SVOPL: variants seen among roughly 807,000 people sequenced by gnomAD.
The protein encoded by SVOPL is putative transporter SVOPL.
Under a neutral mutation model 61.0 loss-of-function variants are expected in SVOPL, and 60 were observed. That is an observed-to-expected ratio of 0.98 (90% CI 0.80 to 1.22). The LOEUF is 1.22. SVOPL is among the 50% of genes most tolerant of loss of function. The pLI, the probability that SVOPL is intolerant of heterozygous loss-of-function variation, is 0.00. For synonymous variants in SVOPL, 279 were observed against 250.0 expected (o/e 1.12, Z -1.09); for missense variants, 662 against 643.9 (o/e 1.03, Z -0.30).
intron 6 of SVOPL, among the ~76,000 whole-genome samples, chr7:138,659,492 G>GAAAAAAAAA (rs11295502): frequency 7.1e-6 from 1 of 140,112 alleles, no homozygotes; most frequent in Non-Finnish European, 1.6e-5. Flanking sequence ...ACTCTATCTC[G>GAAAAAAAAA]AAAAAAAAAA....
At chr7:138,607,585 G>A (rs1184115485) in intron 14 of SVOPL, among the ~76,000 whole-genome samples, 1 of 152,184 alleles carries the variant, frequency 6.6e-6, no homozygotes, top group Non-Finnish European at 1.5e-5. Flanking sequence ...AGACACAGAG[G>A]TCACTGGAGA....
intron 14 of SVOPL, among the ~76,000 whole-genome samples, chr7:138,613,420 A>G (rs1799145803): frequency 6.6e-6 from 1 of 152,168 alleles, no homozygotes; most frequent in Non-Finnish European, 1.5e-5. Flanking sequence ...TAAAGTCCTT[A>G]ATATGCCTGG....
At chr7:138,645,246 T>C (rs1801037862) in intron 8 of SVOPL, among the ~76,000 whole-genome samples, 1 of 151,424 alleles carries the variant, frequency 6.6e-6, no homozygotes, top group Admixed American at 6.6e-5. Flanking sequence ...AACAGGGGGC[T>C]CCAGCACCCA....
chr7:138,637,744 G>A (rs1011373157), intron 9 of SVOPL, among the ~76,000 whole-genome samples: 1 of 152,044 alleles, frequency 6.6e-6, no homozygotes, highest in African/African-American at 2.4e-5. Context: ...TTGAGGTCAG[G>A]AGTTCGAGAC....
chr7:138,670,135 C>T (rs1044349516), intron 4 of SVOPL, among the ~76,000 whole-genome samples: 1 of 152,164 alleles, frequency 6.6e-6, no homozygotes, highest in African/African-American at 2.4e-5. Context: ...CTAACCAAAT[C>T]CATTTTGGCT....
chr7:138,649,747 G>A (rs1442917009), intron 7 of SVOPL, among the ~76,000 whole-genome samples: 2 of 152,158 alleles, frequency 1.3e-5, no homozygotes, highest in Non-Finnish European at 1.5e-5. Context: ...CAATGAATAA[G>A]CAAGCCAGTA....
intron 13 of SVOPL, among the ~76,000 whole-genome samples, chr7:138,624,118 C>T (rs1292976423): frequency 6.6e-6 from 1 of 152,292 alleles, no homozygotes; most frequent in Admixed American, 6.5e-5. Flanking sequence ...CTGCACCCAG[C>T]CGATTAATTT....
intron 14 of SVOPL, among the ~76,000 whole-genome samples, chr7:138,618,708 G>A (rs370363747): frequency 3.4e-4 from 49 of 142,266 alleles, no homozygotes; most frequent in Admixed American, 1.0e-3. Context: ...GTGCACACGC[G>A]CGAGAGAGAG....
At chr7:138,639,471 AC>A (rs1800669829) in intron 9 of SVOPL, among the ~76,000 whole-genome samples, 1 of 151,672 alleles carries the variant, frequency 6.6e-6, no homozygotes, top group Non-Finnish European at 1.5e-5. Flanking sequence ...TATTAAAAAA[AC>A]GAAAGTTATT....
chr7:138,634,881 T>G (rs570183658), intron 9 of SVOPL, among the ~76,000 whole-genome samples: 2 of 152,220 alleles, frequency 1.3e-5, no homozygotes, highest in East Asian at 3.9e-4. Flanking sequence ...GGAGGATTGC[T>G]TGAGCCCAGG....
intron 13 of SVOPL, 69 bp downstream of exon 13, chr7:138,625,900 C>A: frequency 6.6e-7 from 1 of 1,510,572 alleles, no homozygotes; most frequent in South Asian, 1.2e-5. Flanking sequence ...CATGCATTAC[C>A]TTTGGATGGA....
chr7:138,637,350 C>T (rs188521425), intron 9 of SVOPL, among the ~76,000 whole-genome samples: 416 of 151,496 alleles, frequency 2.7e-3, no homozygotes, highest in African/African-American at 9.6e-3. Context: ...AACACTTGAA[C>T]TCAGGAGGCA....
At chr7:138,664,216 G>A (rs1802146200) in intron 4 of SVOPL, 1 of 899,508 alleles carries the variant, frequency 1.1e-6, no homozygotes, top group South Asian at 5.2e-5. Context: ...CTACCTGGAA[G>A]ACGTCCTGCC....
At chr7:138,601,251 CAAA>C (rs59761826) in intron 14 of SVOPL, among the ~76,000 whole-genome samples, 1 of 99,112 alleles carries the variant, frequency 1.0e-5, no homozygotes, top group Non-Finnish European at 2.0e-5. Flanking sequence ...GATTCCATCT[CAAA>C]AAAAAAAAAA....
intron 10 of SVOPL, among the ~76,000 whole-genome samples, chr7:138,629,321 C>T (rs1195323930): frequency 6.6e-6 from 1 of 151,416 alleles, no homozygotes; most frequent in Non-Finnish European, 1.5e-5. Context: ...ACCTCCACCT[C>T]CTGGGTTCAA....
chr7:138,612,424 T>TAA (rs1281500368), intron 14 of SVOPL, among the ~76,000 whole-genome samples: 5 of 41,200 alleles, frequency 1.2e-4, no homozygotes, highest in Admixed American at 2.8e-4. Context: ...AAAAAAAAAA[T>TAA]AAAATAAAAA....
At chr7:138,640,531 T>G (rs1800733201) in intron 9 of SVOPL, among the ~76,000 whole-genome samples, 1 of 152,216 alleles carries the variant, frequency 6.6e-6, no homozygotes, top group Non-Finnish European at 1.5e-5. Context: ...ATTACAGGCG[T>G]GAGCCACTGC....
chr7:138,698,591 C>T (rs1173255347), intron 1 of SVOPL, among the ~76,000 whole-genome samples: 2 of 152,048 alleles, frequency 1.3e-5, no homozygotes, highest in Admixed American at 1.3e-4. Context: ...CCAGACACCA[C>T]GTATGAAGGA....
chr7:138,660,898 G>T (rs1801972206), intron 5 of SVOPL: 1 of 985,102 alleles, frequency 1.0e-6, no homozygotes, highest in Non-Finnish European at 1.2e-6. Flanking sequence ...AACGGTGCAG[G>T]ACTCTTTAAG....
Sources: allele counts gnomAD v4.1 joint callset (sites outside exome capture counted in the v4.1 genomes callset), GRCh38; gene constraint gnomAD v4.1.1; transcripts MANE v1.5; gene names NCBI Gene and HGNC (gene_info 2026-07-23, HGNC 2026-07-21).